MTMR8: variants seen among roughly 807,000 people sequenced by gnomAD.
MTMR8 encodes the protein myotubularin related protein 8.
Under a neutral mutation model 39.3 loss-of-function variants are expected in MTMR8, and 65 were observed. That is an observed-to-expected ratio of 1.65 (90% CI 1.35 to 2.03). The LOEUF (loss-of-function observed/expected upper bound fraction) is 2.03. Among genes scored for constraint, MTMR8 ranks in the 30% most tolerant of loss-of-function variants. MTMR8 has a pLI of 0.00. For synonymous variants in MTMR8, 245 were observed against 185.2 expected, an observed-to-expected ratio of 1.32 and a Z score of -2.62; for missense variants, 777 against 538.9, an observed-to-expected ratio of 1.44 and a Z score of -4.37.
intron 12 of MTMR8, among the ~76,000 whole-genome samples, chrX:64,304,248 T>C (rs1922002344): frequency 9.1e-6 from 1 of 109,874 alleles, no homozygotes; most frequent in Non-Finnish European, 1.9e-5. Context: ...CTGCTGCTGA[T>C]CCAGTATTTG....
At chrX:64,283,831 C>T (rs1196329701) in intron 12 of MTMR8, among the ~76,000 whole-genome samples, 3 of 111,968 alleles carry the variant, frequency 2.7e-5, no homozygotes, top group Non-Finnish European at 5.6e-5. Context: ...TGTATGTCTC[C>T]ATCATCAAAG....
At chrX:64,287,948 A>C (rs1381041351) in intron 12 of MTMR8, among the ~76,000 whole-genome samples, 4 of 97,917 alleles carry the variant, frequency 4.1e-5, no homozygotes, top group Non-Finnish European at 8.2e-5. Context: ...ATGTCAACAA[A>C]AGCCAAAATT....
intron 1 of MTMR8, among the ~76,000 whole-genome samples, chrX:64,367,718 C>G (rs1481588787): frequency 2.7e-5 from 3 of 111,980 alleles, no homozygotes; most frequent in Non-Finnish European, 5.6e-5. Flanking sequence ...GATGCCCTCT[C>G]TCACCACTCC....
intron 12 of MTMR8, among the ~76,000 whole-genome samples, chrX:64,292,376 A>C (rs773962172): frequency 1.8e-5 from 2 of 111,583 alleles, no homozygotes; most frequent in South Asian, 3.8e-4. Flanking sequence ...GGAAGTGGCT[A>C]TCCTACTCAA....
intron 11 of MTMR8, 23 bp from the exon 12 acceptor site, chrX:64,328,923 C>T: frequency 1.7e-6 from 2 of 1,175,875 alleles, no homozygotes; most frequent in Non-Finnish European, 2.3e-6. Context: ...AAAAACAAGC[C>T]AAAAAATTAA....
intron 8 of MTMR8, 116 bp downstream of exon 8, chrX:64,343,495 A>G (rs1387303618): frequency 4.4e-6 from 2 of 458,377 alleles, no homozygotes; most frequent in Non-Finnish European, 7.3e-6. Flanking sequence ...AATTAGTGGC[A>G]GAGCTGAATC....
At chrX:64,301,825 G>T (rs1024951222) in intron 12 of MTMR8, among the ~76,000 whole-genome samples, 1 of 111,768 alleles carries the variant, frequency 8.9e-6, no homozygotes, top group Non-Finnish European at 1.9e-5. Context: ...ATACCCTGCC[G>T]TGTGAGGTGT....
At chrX:64,317,204 G>A (rs1922493573) in intron 12 of MTMR8, among the ~76,000 whole-genome samples, 1 of 110,108 alleles carries the variant, frequency 9.1e-6, no homozygotes, top group South Asian at 3.9e-4. Context: ...CCTGTTTGAT[G>A]TTCACTCAGC....
At chrX:64,275,354 A>T (rs1414558804) in intron 12 of MTMR8, among the ~76,000 whole-genome samples, 2 of 110,873 alleles carry the variant, frequency 1.8e-5, no homozygotes, top group Non-Finnish European at 3.8e-5. Context: ...AAGGAATAAT[A>T]AAGGTTAGAG....
rs1011777815 is a variant in MTMR8, at chrX:64,343,632, A to G, written c.954T>C (p.Asp318=). The change falls in exon 8 of 14, where the codon GAT becomes GAC. Residue 318 remains aspartate (D), a synonymous_variant. Coordinates refer to ENST00000374852, the MANE Select transcript of MTMR8 (RefSeq NM_017677.4). ...TTACCTTTGTAATGAAAATTCCAGCATCCATAATAGCTTTAATGTGTCTTA... is the reference window on the plus strand; with the variant it reads ...TTACCTTTGTAATGAAAATTCCAGCGTCCATAATAGCTTTAATGTGTCTTA... ...GWLRHIKAIM[D]AGIFITKAVK... is the part of the protein sequence containing the mutation. The G allele has an allele frequency of 8.3e-7, 1 of 1,198,197 alleles. No individual in the cohort carries two copies.
At chrX:64,312,020 GT>G (rs1162813305) in intron 12 of MTMR8, among the ~76,000 whole-genome samples, 1 of 111,187 alleles carries the variant, frequency 9.0e-6, no homozygotes, top group Non-Finnish European at 1.9e-5. Context: ...CTTTAAAGCA[GT>G]TTTTTCCAAT....
intron 12 of MTMR8, among the ~76,000 whole-genome samples, chrX:64,314,476 T>C (rs1294622353): frequency 8.9e-6 from 1 of 112,647 alleles, no homozygotes; most frequent in Non-Finnish European, 1.9e-5. Flanking sequence ...GTGTCCACCC[T>C]CTGTGCATGT....
At chrX:64,273,301 G>A (rs56275021) in intron 12 of MTMR8, among the ~76,000 whole-genome samples, 14,075 of 109,935 alleles carry the variant, frequency 0.13, 2,149 homozygotes, top group African/African-American at 0.43. Context: ...ATAACATAGA[G>A]AAGAAGAAAA....
At chrX:64,377,526 C>G (rs1006347248) in intron 1 of MTMR8, among the ~76,000 whole-genome samples, 1 of 112,595 alleles carries the variant, frequency 8.9e-6, no homozygotes, top group African/African-American at 3.2e-5. Flanking sequence ...GGGTTTCAAA[C>G]TTGCATGGTG....
chrX:64,392,068 C>T (rs1037341412), intron 1 of MTMR8, among the ~76,000 whole-genome samples: 2 of 111,418 alleles, frequency 1.8e-5, no homozygotes, highest in Non-Finnish European at 3.8e-5. Flanking sequence ...GGAGAGTCAC[C>T]AAACTTTAGG....
At chrX:64,278,560 G>A (rs766077203) in intron 12 of MTMR8, among the ~76,000 whole-genome samples, 13 of 83,672 alleles carry the variant, frequency 1.6e-4, no homozygotes, top group Admixed American at 1.3e-3. Context: ...TGCAACCTCC[G>A]CCTCCCAGGT....
At chrX:64,382,588 C>T (rs1924457051) in intron 1 of MTMR8, among the ~76,000 whole-genome samples, 1 of 110,918 alleles carries the variant, frequency 9.0e-6, no homozygotes, top group Non-Finnish European at 1.9e-5. Flanking sequence ...AATTGAATAC[C>T]CTTTCTTTCC....
At chrX:64,359,016 G>A in intron 2 of MTMR8, among the ~76,000 whole-genome samples, 1 of 110,873 alleles carries the variant, frequency 9.0e-6, no homozygotes, top group South Asian at 3.8e-4. Context: ...TTAGGCTTGA[G>A]ATTTTGCATT....
intron 12 of MTMR8, among the ~76,000 whole-genome samples, chrX:64,280,306 A>G (rs1199011743): frequency 1.8e-5 from 2 of 112,118 alleles, no homozygotes; most frequent in East Asian, 5.6e-4. Context: ...TCAATAAAAT[A>G]CTGGCAAACT....
Sources: allele counts gnomAD v4.1 joint callset (sites outside exome capture counted in the v4.1 genomes callset), GRCh38; gene constraint gnomAD v4.1.1; transcripts MANE v1.5; gene names NCBI Gene and HGNC (gene_info 2026-07-23, HGNC 2026-07-21).